MEGF6: variants seen among roughly 807,000 people sequenced by gnomAD.
MEGF6 encodes the protein multiple EGF like domains 6.
Under a neutral mutation model 207.1 loss-of-function variants are expected in MEGF6, and 184 were observed. That is an observed-to-expected ratio of 0.89 (90% CI 0.79 to 1.00). The LOEUF is 1.00. Ranked by LOEUF, MEGF6 falls within the 50% of genes least tolerant of loss-of-function variation. MEGF6 has a pLI of 0.00. For missense variants in MEGF6, 2,282 were observed against 2,202.9 expected, an observed-to-expected ratio of 1.04 and a Z score of -0.72; for synonymous variants, 1,038 against 910.0, an observed-to-expected ratio of 1.14 and a Z score of -2.53.
At position 3,595,404 on chromosome 1, in the gene MEGF6, C is replaced by T; in HGVS notation, c.310G>A (p.Ala104Thr). The T allele has an allele frequency of 6.2e-7, 1 of 1,612,724 alleles. No individual in the cohort carries two copies. The change falls in exon 3 of 37, where the codon GCC becomes ACC. Residue 104 changes from alanine (A) to threonine (T), a missense_variant. Coordinates refer to ENST00000356575, the MANE Select transcript of MEGF6 (RefSeq NM_001409.4). The stretch of plus-strand genomic sequence containing the variant: ...CGGCAGCACCTGAGCACGGTCCGGG[C>T]CTCCGTGGTATACACCTGCCTGTAG... ...MGYRQVYTTE[A>T]RTVLRCCRGW...
intron 4 of MEGF6, among the ~76,000 whole-genome samples, chr1:3,544,248 C>G (rs1414297002): frequency 6.6e-6 from 1 of 150,800 alleles, no homozygotes; most frequent in Non-Finnish European, 1.5e-5. Flanking sequence ...AGCATCGCAG[C>G]GGCATCAGGC....
At chr1:3,555,365 T>C (rs973201289) in intron 4 of MEGF6, among the ~76,000 whole-genome samples, 2 of 152,150 alleles carry the variant, frequency 1.3e-5, no homozygotes, top group Non-Finnish European at 2.9e-5. Flanking sequence ...CAGGCTGGCA[T>C]GGCCTCAGGC....
Position 3,573,216 on chromosome 1 carries a change from T to A in MEGF6, c.481+6609A>T, listed in dbSNP as rs571109398. On this transcript the variant is annotated intron_variant, in intron 4 of 36. Transcript: ENST00000356575. The surrounding 1 kb of genome is among the most constrained non-coding windows in gnomAD (Gnocchi z 5.1). Reference sequence around the variant, plus strand: ...CCTCCTGCGTGTGCTGCGTCCTTCCTGTGTGTGCTGGGTTCCCCCAGGTTT... The same window carrying A: ...CCTCCTGCGTGTGCTGCGTCCTTCCAGTGTGTGCTGGGTTCCCCCAGGTTT... Among the ~76,000 whole-genome samples the A allele has an allele frequency of 2.0e-5, 3 of 151,724 alleles. No homozygotes were observed. The highest frequency in any genetic ancestry group is 4.4e-5 in the Non-Finnish European group (3 of 67,898).
At chr1:3,527,213 C>T (rs1218852249) in intron 4 of MEGF6, among the ~76,000 whole-genome samples, 21 of 152,246 alleles carry the variant, frequency 1.4e-4, no homozygotes, top group Admixed American at 1.4e-3. Flanking sequence ...GCACTGTTGA[C>T]AGGTGCAAGC....
Position 3,595,445 on chromosome 1 carries a change from G to C in MEGF6, c.269C>G (p.Thr90Ser). 6.2e-7 allele frequency: 1 copy of C among 1,611,826 alleles called. No homozygotes were observed. The highest frequency in any genetic ancestry group is 8.5e-7 in the Non-Finnish European group (1 of 1,179,166). ...QAWCVGHERR[T>S]VYYMGYRQVY... ...CTGCCTGTAGCCCATGTAGTAGACG[G>C]TTCTAGAAAGAAAGAGAGAAGGGAA... Residue 90 changes from threonine (T) to serine (S), a missense_variant and splice_region_variant, in exon 3 of 37, where the codon ACC becomes AGC. Thr to Ser is a moderately conservative substitution (Grantham distance 58, BLOSUM62 1). Coordinates refer to ENST00000356575, the MANE Select transcript of MEGF6 (RefSeq NM_001409.4).
chr1:3,507,954 C>A (rs1641177363), intron 13 of MEGF6, 31 bp from the exon 14 acceptor site: 2 of 1,597,942 alleles, frequency 1.3e-6, no homozygotes, highest in African/African-American at 1.3e-5. Context: ...GCGTCAGGGT[C>A]ACCAGCCAGC....
rs1413329637 is a variant in MEGF6 at position 3,489,256 on chromosome 1, C to T, written c.*1272G>A. On this transcript the variant is annotated 3_prime_UTR_variant, in exon 37 of 37. Coordinates refer to ENST00000356575, the MANE Select transcript of MEGF6 (RefSeq NM_001409.4). Reference sequence around the variant, plus strand: ...TCTGTGAGCAACCAAGCTCACTGGACTCCTCCTCCTCCTGCTGGTGAAATT... The same window carrying T: ...TCTGTGAGCAACCAAGCTCACTGGATTCCTCCTCCTCCTGCTGGTGAAATT... 6.6e-6 allele frequency among the ~76,000 whole-genome samples: 1 copy of T among 152,228 alleles called. No individual in the cohort carries two copies. Among genetic ancestry groups the T allele is most frequent in the East Asian group, 1.9e-4 (1 of 5,206 alleles).
intron 19 of MEGF6, 22 bp downstream of exon 19, chr1:3,501,153 CAG>C: frequency 1.2e-6 from 2 of 1,612,574 alleles, no homozygotes; most frequent in Non-Finnish European, 1.7e-6. Flanking sequence ...GTCAAAGGCT[CAG>C]GGGCAGCTCC....
intron 4 of MEGF6, among the ~76,000 whole-genome samples, chr1:3,526,507 C>A (rs1241087522): frequency 1.3e-5 from 2 of 151,624 alleles, no homozygotes; most frequent in Non-Finnish European, 2.9e-5. Context: ...AAGCGGTTCT[C>A]CCTGCCTCAG....
chr1:3,555,462 C>T (rs1010523185), intron 4 of MEGF6, among the ~76,000 whole-genome samples: 45 of 152,326 alleles, frequency 3.0e-4, no homozygotes, highest in African/African-American at 8.9e-4. Context: ...GGATGAGAGC[C>T]GGGGCAAGGC....
intron 26 of MEGF6, chr1:3,497,704 A>AGCCGGGGCTCAGCACTGAGGCGACGG (rs1640671065): frequency 2.2e-6 from 1 of 464,040 alleles, no homozygotes; most frequent in African/African-American, 2.0e-5. Context: ...GGGAGACAGC[A>AGCCGGGGCTCAGCACTGAGGCGACGG]GCCGGGGCTC....
chr1:3,511,045 C>G, intron 9 of MEGF6, 143 bp from the exon 10 acceptor site: 2 of 1,212,276 alleles, frequency 1.6e-6, no homozygotes, highest in Non-Finnish European at 2.3e-6. Context: ...GTGTGCACAC[C>G]GACATTCATG....
intron 26 of MEGF6, chr1:3,497,666 GC>G: frequency 1.8e-6 from 1 of 560,150 alleles, no homozygotes; most frequent in Non-Finnish European, 3.3e-6. Flanking sequence ...GCCTCTGGCA[GC>G]CCCGCCCCAT....
chr1:3,587,596 G>A (rs1205265251), intron 3 of MEGF6, among the ~76,000 whole-genome samples: 1 of 152,354 alleles, frequency 6.6e-6, no homozygotes, highest in South Asian at 2.1e-4. Flanking sequence ...AAGCACGAAG[G>A]AGAACCGCCT....
At chr1:3,587,907 C>T (rs749890983) in intron 3 of MEGF6, among the ~76,000 whole-genome samples, 45,884 of 63,312 alleles carry the variant, frequency 0.72, 16,631 homozygotes, top group Middle Eastern at 0.78. Context: ...CAGGAGTGGC[C>T]AGGAGGGGGC....
At position 3,499,803 on chromosome 1, in the gene MEGF6, G is replaced by C; in HGVS notation, c.2829C>G (p.Cys943Trp). ...GCCTGTGCCGTAGCTCACCATGCTC[G>C]CAGAAGGTGCCCCTCCAGCCGGCCG... Reference protein sequence around the residue: ...TCPAGWRGTFCEHACPAGFFG... With the variant: ...TCPAGWRGTFWEHACPAGFFG... Residue 943 changes from cysteine (C) to tryptophan (W), a missense_variant, in exon 22 of 37, where the codon TGC (cysteine) becomes TGG (tryptophan). Transcript: ENST00000356575. 1 of 1,557,800 alleles carries C rather than the reference G, an allele frequency of 6.4e-7. No homozygotes were observed.
rs905331943 is a variant in MEGF6, at chr1:3,505,303, G to A, written c.2093C>T (p.Ala698Val). ...LGYFGPGCWQ[A>V]CTCPVGVACD... is the part of the protein sequence containing the mutation. ...GGCCACGCCCACTGGGCAGGTGCAT[G>A]CCTGCCAGCACCCCGGCCCAAAGTA... The change falls in exon 17 of 37, where the codon GCA (alanine) becomes GTA (valine). Residue 698 changes from alanine to valine, a missense_variant. Coordinates refer to ENST00000356575, the MANE Select transcript of MEGF6 (RefSeq NM_001409.4). 4 of 1,612,072 alleles carry A rather than the reference G, an allele frequency of 2.5e-6. No homozygotes were observed. Among genetic ancestry groups the A allele is most frequent in the Admixed American group, 1.7e-5 (1 of 59,932 alleles).
chr1:3,545,131 G>A (rs781034629), intron 4 of MEGF6, among the ~76,000 whole-genome samples: 6 of 152,158 alleles, frequency 3.9e-5, no homozygotes, highest in African/African-American at 9.7e-5. Flanking sequence ...TTCAGGGGCC[G>A]GGGAAGGTGC....
chr1:3,498,905 T>C (rs1640731878), intron 24 of MEGF6, 79 bp from the exon 25 acceptor site: 5 of 1,513,640 alleles, frequency 3.3e-6, no homozygotes, highest in Admixed American at 2.0e-5. Context: ...TCCAGCCCCA[T>C]GTTGGACTTT....
Sources: gnomAD v4.1 joint callset for allele counts (sites outside exome capture counted in the v4.1 genomes callset) on GRCh38, gnomAD v4.1.1 for gene constraint, Gnocchi (gnomAD v3.1) non-coding constraint, MANE v1.5 for transcripts, NCBI Gene and HGNC (gene_info 2026-07-23, HGNC 2026-07-21) for gene names.